Variants in PCDHGA7 observed in about 807,000 individuals in gnomAD.
PCDHGA7 encodes the protein protocadherin gamma-A7.
PCDHGA7 carries 44 observed loss-of-function variants against 58.3 expected under a neutral mutation model. The ratio of observed to expected loss-of-function variants is 0.75; its 90% CI spans 0.59 to 0.97. PCDHGA7 has a LOEUF of 0.97. Ranked by LOEUF, PCDHGA7 falls within the 50% of genes least tolerant of loss-of-function variation. The pLI, the probability that PCDHGA7 is intolerant of heterozygous loss-of-function variation, is 0.00. For missense variants in PCDHGA7, 1,266 were observed against 1,188.7 expected (o/e 1.06, Z -0.96); for synonymous variants, 516 against 504.2 (o/e 1.02, Z -0.31).
At chr5:141,386,206 G>A (rs931130731) in intron 1 of PCDHGA7, among the ~76,000 whole-genome samples, 2 of 152,116 alleles carry the variant, frequency 1.3e-5, no homozygotes, top group East Asian at 3.9e-4. Context: ...ACCAGTAGTT[G>A]ATTTTATTTA....
intron 1 of PCDHGA7, chr5:141,389,596 C>A: frequency 6.2e-7 from 1 of 1,613,132 alleles, no homozygotes; most frequent in Non-Finnish European, 8.5e-7. Context: ...GACGGCTCTG[C>A]GCTCTTCGAT....
intron 1 of PCDHGA7, chr5:141,413,515 G>C: frequency 6.2e-7 from 1 of 1,613,984 alleles, no homozygotes; most frequent in Non-Finnish European, 8.5e-7. Context: ...TAATATCCTT[G>C]TGGAAGACAG....
intron 1 of PCDHGA7, chr5:141,408,692 A>C: frequency 6.2e-7 from 1 of 1,613,906 alleles, no homozygotes; most frequent in Non-Finnish European, 8.5e-7. Context: ...TGATATAAAC[A>C]TAAACTCAAT....
chr5:141,416,718 G>T lies in PCDHGA7; in HGVS notation c.2424+31395G>T, dbSNP rs1202204760. The T allele has an allele frequency of 5.9e-5, 9 of 152,308 alleles. No homozygotes were observed. In the East Asian group the frequency reaches 1.5e-3, roughly 26 times the overall value. The allele number at this position is 152,308 out of a possible 1,614,324, so 9.4% of individuals were successfully genotyped here. On this transcript the variant is annotated intron_variant, in intron 1 of 3. Transcript: ENST00000518325. ...AAAGGATCATTGGAGGTACTGATGAGTTCATTTAGTTCAATGAAAATAGTG... is the reference window on the plus strand; with the variant it reads ...AAAGGATCATTGGAGGTACTGATGATTTCATTTAGTTCAATGAAAATAGTG...
chr5:141,482,099 A>AG (rs1423781570), intron 1 of PCDHGA7, among the ~76,000 whole-genome samples: 1 of 151,852 alleles, frequency 6.6e-6, no homozygotes, highest in African/African-American at 2.4e-5. Flanking sequence ...CAAAAAAAAA[A>AG]AAAAAATATC....
At chr5:141,393,102 G>C (rs768432261) in intron 1 of PCDHGA7, 2 of 1,613,568 alleles carry the variant, frequency 1.2e-6, no homozygotes, top group Non-Finnish European at 1.7e-6. Context: ...GGAGCTCTGC[G>C]CTCAGAGCCC....
chr5:141,399,349 C>A (rs1467940246), intron 1 of PCDHGA7: 15 of 1,613,814 alleles, frequency 9.3e-6, no homozygotes, highest in African/African-American at 1.3e-5. Flanking sequence ...AACCCTAGAC[C>A]GAGAGCAAAC....
At chr5:141,469,721 A>G (rs1238006043) in intron 1 of PCDHGA7, among the ~76,000 whole-genome samples, 5 of 152,270 alleles carry the variant, frequency 3.3e-5, no homozygotes, top group African/African-American at 1.2e-4. Context: ...TTAGGAATTT[A>G]TCATAAATAC....
At chr5:141,467,055 C>CTTTTTTTTTTT (rs1193465269) in intron 1 of PCDHGA7, among the ~76,000 whole-genome samples, 1 of 134,498 alleles carries the variant, frequency 7.4e-6, no homozygotes, top group Non-Finnish European at 1.6e-5. Context: ...TCAATGTTTT[C>CTTTTTTTTTTT]TTTTTTTTTT....
Position 141,410,123 on chromosome 5 carries a change from C to T in PCDHGA7, c.2424+24800C>T. ...AGGCGACAGGGACGCAGCCCGCCAG[C>T]GCCTGCTGGTCGCTGTGCGTGACGG... On this transcript the variant is annotated intron_variant, in intron 1 of 3. Coordinates refer to ENST00000518325, the MANE Select transcript of PCDHGA7 (RefSeq NM_018920.4). The T allele has an allele frequency of 1.2e-6, 2 of 1,612,780 alleles. No individual in the cohort carries two copies. The highest frequency in any genetic ancestry group is 1.7e-6 in the Non-Finnish European group (2 of 1,179,646).
intron 1 of PCDHGA7, among the ~76,000 whole-genome samples, chr5:141,472,967 C>G (rs1040253926): frequency 1.7e-5 from 1 of 58,336 alleles, no homozygotes; most frequent in South Asian, 5.1e-4. Flanking sequence ...GCCTGGGGAA[C>G]AAGAGTGAAA....
In PCDHGA7 at chr5:141,490,296, G is replaced by T; in HGVS notation, c.2425-4511G>T. The stretch of plus-strand genomic sequence containing the variant: ...ATGACAATGCCCCAGAGGTGCTATT[G>T]GCCTCTTTGGCCAACCCTGTCCTAG... On this transcript the variant is annotated intron_variant, in intron 1 of 3. Coordinates refer to ENST00000518325, the MANE Select transcript of PCDHGA7 (RefSeq NM_018920.4). This position sits in a 1 kb window ranked among gnomAD's most constrained non-coding sequence, Gnocchi z 5.4. 6.2e-7 allele frequency: 1 copy of T among 1,614,184 alleles called. No homozygotes were observed. Among genetic ancestry groups the T allele is most frequent in the South Asian group, 1.1e-5 (1 of 91,084 alleles).
Position 141,491,262 on chromosome 5 carries a change from G to A in PCDHGA7, c.2425-3545G>A. ...TGGAGGATGAGGACCCTGAGGAAATGCCCAAATCCAGTGACTTCCTCATAC... is the reference window on the plus strand; with the variant it reads ...TGGAGGATGAGGACCCTGAGGAAATACCCAAATCCAGTGACTTCCTCATAC... On this transcript the variant is annotated intron_variant, in intron 1 of 3. Transcript: ENST00000518325. The surrounding 1 kb of genome is among the most constrained non-coding windows in gnomAD (Gnocchi z 6.9). 2 of 1,614,122 alleles carry A rather than the reference G, an allele frequency of 1.2e-6. No individual in the cohort carries two copies. Among genetic ancestry groups the A allele is most frequent in the Non-Finnish European group, 1.7e-6 (2 of 1,179,952 alleles).
intron 1 of PCDHGA7, among the ~76,000 whole-genome samples, chr5:141,451,430 T>C (rs1441183396): frequency 2.0e-5 from 3 of 152,240 alleles, no homozygotes; most frequent in Non-Finnish European, 4.4e-5. Context: ...AGACTAAGGG[T>C]TCCAGTTCCT....
chr5:141,466,812 G>A (rs1394979761), intron 1 of PCDHGA7, among the ~76,000 whole-genome samples: 3 of 151,940 alleles, frequency 2.0e-5, no homozygotes, highest in Non-Finnish European at 4.4e-5. Flanking sequence ...ATTCAGACAT[G>A]GTATAACAAG....
intron 1 of PCDHGA7, chr5:141,420,114 A>G: frequency 6.2e-7 from 1 of 1,614,032 alleles, no homozygotes; most frequent in Non-Finnish European, 8.5e-7. Context: ...CCCTATGCCT[A>G]TAATTTTTGT....
At chr5:141,467,373 T>C (rs2099143070) in intron 1 of PCDHGA7, among the ~76,000 whole-genome samples, 1 of 152,064 alleles carries the variant, frequency 6.6e-6, no homozygotes, top group Non-Finnish European at 1.5e-5. Context: ...TTTCTTATAT[T>C]GCATTTAGGT....
At position 141,420,090 on chromosome 5, in the gene PCDHGA7, G is replaced by A. The variant is rs779478924; in HGVS notation, c.2424+34767G>A. 4.2e-5 allele frequency: 68 copies of A among 1,613,932 alleles called. No individual in the cohort carries two copies. Among genetic ancestry groups the A allele is most frequent in the Non-Finnish European group, 5.7e-5 (67 of 1,179,886 alleles). On this transcript the variant is annotated intron_variant, in intron 1 of 3. Coordinates refer to ENST00000518325, the MANE Select transcript of PCDHGA7 (RefSeq NM_018920.4). ...GGACCTGTGGGTCCCCCCAACTACA[G>A]TGAGGGAACGTTGCCCTATGCCTAT...
At chr5:141,422,090 A>T (rs762413085) in intron 1 of PCDHGA7, 1 of 1,611,852 alleles carries the variant, frequency 6.2e-7, no homozygotes, top group East Asian at 2.2e-5. Context: ...ATGGAAAGCA[A>T]GGCTTCTGAA....
Sources: allele counts gnomAD v4.1 joint callset (sites outside exome capture counted in the v4.1 genomes callset), GRCh38; gene constraint gnomAD v4.1.1; non-coding constraint Gnocchi (gnomAD v3.1); transcripts MANE v1.5; gene names NCBI Gene and HGNC (gene_info 2026-07-23, HGNC 2026-07-21).